The following FBXW10B variants were observed in gnomAD, a reference collection of about 807,000 sequenced individuals.
FBXW10B encodes F-box and WD repeat domain containing 10B.
At chr17:15,614,022 T>G in the FBXW10B span, 17 of 1,609,876 alleles carry the variant, frequency 1.1e-5, no homozygotes, top group Non-Finnish European at 1.4e-5. Flanking sequence ...AGTGAATTCC[T>G]CCATGGTTCC....
the FBXW10B span, chr17:15,594,470 C>CGAAA: frequency 7.9e-6 from 2 of 251,752 alleles, no homozygotes; most frequent in Non-Finnish European, 1.4e-5. Flanking sequence ...GACTCTGTCT[C>CGAAA]AAAAAAAAAA....
chr17:15,611,273 C>T, the FBXW10B span, among the ~76,000 whole-genome samples: 1 of 152,146 alleles, frequency 6.6e-6, no homozygotes, highest in African/African-American at 2.4e-5. Context: ...CCGCCCGCCT[C>T]GGCCTCCCAA....
chr17:15,608,916 C>T, the FBXW10B span, among the ~76,000 whole-genome samples: 3 of 152,120 alleles, frequency 2.0e-5, no homozygotes, highest in Non-Finnish European at 2.9e-5. Context: ...TTGACAGGGG[C>T]GCTTTCATTT....
the FBXW10B span, chr17:15,593,322 A>G: frequency 6.2e-7 from 1 of 1,613,928 alleles, no homozygotes; most frequent in Middle Eastern, 1.7e-4. Flanking sequence ...TCTGACCTCC[A>G]CACCTACCAC....
At chr17:15,598,690 G>T in the FBXW10B span, 1 of 1,592,136 alleles carries the variant, frequency 6.3e-7, no homozygotes, top group African/African-American at 1.4e-5. Flanking sequence ...GAGAGTTCCT[G>T]AGGGCCCAAA....
the FBXW10B span, chr17:15,565,695 G>A: frequency 6.2e-7 from 1 of 1,614,140 alleles, no homozygotes; most frequent in Non-Finnish European, 8.5e-7. Flanking sequence ...CCTTCATCTT[G>A]GCTTCCTGGT....
chr17:15,597,871 A>G, the FBXW10B span, among the ~76,000 whole-genome samples: 1 of 152,210 alleles, frequency 6.6e-6, no homozygotes, highest in Non-Finnish European at 1.5e-5. Context: ...TACTATTATT[A>G]TTCCCCACTA....
At chr17:15,608,572 A>G in the FBXW10B span, among the ~76,000 whole-genome samples, 8 of 151,730 alleles carry the variant, frequency 5.3e-5, no homozygotes, top group Non-Finnish European at 8.8e-5. Context: ...TCCTGCCTCA[A>G]CCTCCTAAGT....
chr17:15,619,099 G>A, the FBXW10B span: 1 of 1,613,986 alleles, frequency 6.2e-7, no homozygotes, highest in Non-Finnish European at 8.5e-7. Context: ...GCAGCAGTAA[G>A]AGAGTATAAT....
chr17:15,608,505 G>A, the FBXW10B span, among the ~76,000 whole-genome samples: 1 of 151,106 alleles, frequency 6.6e-6, no homozygotes, highest in African/African-American at 2.4e-5. Flanking sequence ...CCAGGCTGGA[G>A]TGCAATGGCA....
the FBXW10B span, among the ~76,000 whole-genome samples, chr17:15,580,042 T>C: frequency 1.3e-4 from 20 of 151,468 alleles, no homozygotes; most frequent in Admixed American, 1.3e-4. Flanking sequence ...CAAGCAGTGA[T>C]GCTCAGTAGA....
the FBXW10B span, among the ~76,000 whole-genome samples, chr17:15,594,271 A>G: frequency 0.32 from 48,830 of 151,542 alleles, 8,480 homozygotes; most frequent in African/African-American, 0.45. Context: ...AGGAGATTAA[A>G]ACCATCCTGG....
At chr17:15,590,593 G>T in the FBXW10B span, among the ~76,000 whole-genome samples, 2 of 149,010 alleles carry the variant, frequency 1.3e-5, no homozygotes, top group Admixed American at 6.6e-5. Context: ...TCCTGCTCCC[G>T]GTCACGTTCC....
At chr17:15,577,678 C>T in the FBXW10B span, among the ~76,000 whole-genome samples, 20 of 152,236 alleles carry the variant, frequency 1.3e-4, no homozygotes, top group African/African-American at 4.6e-4. Context: ...TCTCTTTTCA[C>T]GTAAGACGAT....
chr17:15,580,861 CTA>C, the FBXW10B span, among the ~76,000 whole-genome samples: 1 of 152,054 alleles, frequency 6.6e-6, no homozygotes, highest in African/African-American at 2.4e-5. Flanking sequence ...CAAGTCAACA[CTA>C]TGTGCTCATT....
At chr17:15,585,688 A>G in the FBXW10B span, among the ~76,000 whole-genome samples, 1 of 152,220 alleles carries the variant, frequency 6.6e-6, no homozygotes, top group Non-Finnish European at 1.5e-5. Context: ...GCTTTCTGCT[A>G]AAGCTTTGCT....
the FBXW10B span, among the ~76,000 whole-genome samples, chr17:15,603,948 C>T: frequency 7.1e-6 from 1 of 140,716 alleles, no homozygotes; most frequent in African/African-American, 2.7e-5. Flanking sequence ...GGTGTGGTGG[C>T]GGGCCCCTGC....
the FBXW10B span, chr17:15,573,848 A>G: frequency 5.4e-5 from 19 of 349,294 alleles, no homozygotes; most frequent in South Asian, 1.5e-3. Context: ...GACATTTTCT[A>G]TAATTTTTTT....
At chr17:15,587,046 T>A in the FBXW10B span, among the ~76,000 whole-genome samples, 1 of 151,542 alleles carries the variant, frequency 6.6e-6, no homozygotes, top group African/African-American at 2.4e-5. Context: ...ATAGTCACTA[T>A]AAGGAACGAA....
Sources: allele counts gnomAD v4.1 joint callset (sites outside exome capture counted in the v4.1 genomes callset), GRCh38; gene constraint gnomAD v4.1.1; transcripts MANE v1.5; gene names NCBI Gene and HGNC (gene_info 2026-07-23, HGNC 2026-07-21).